Variants in CELSR1 observed in about 807,000 individuals in gnomAD.
The protein encoded by CELSR1 is adhesion G protein-coupled receptor C1.
Under a neutral mutation model 249.1 loss-of-function variants are expected in CELSR1, and 110 were observed. The ratio of observed to expected loss-of-function variants is 0.44; its 90% confidence interval spans 0.38 to 0.52. The LOEUF is 0.52. Ranked by LOEUF, CELSR1 falls within the 20% of genes least tolerant of loss-of-function variation. The pLI is 0.00. For synonymous variants in CELSR1, 2,113 were observed against 1,900.0 expected (o/e 1.11, Z -2.92); for missense variants, 4,109 against 4,296.4 (o/e 0.96, Z 1.22).
chr22:46,449,562 T>C (rs577966500), intron 2 of CELSR1, among the ~76,000 whole-genome samples: 2 of 152,278 alleles, frequency 1.3e-5, no homozygotes, highest in East Asian at 3.9e-4. Context: ...CACTCATCCA[T>C]CTAATAAACT....
intron 1 of CELSR1, among the ~76,000 whole-genome samples, chr22:46,475,877 G>A (rs1569190398): frequency 6.6e-6 from 1 of 152,062 alleles, no homozygotes; most frequent in Non-Finnish European, 1.5e-5. Flanking sequence ...GTTGTTCCAT[G>A]TTATTCCAAC....
At chr22:46,405,622 C>T (rs2079257980) in intron 9 of CELSR1, among the ~76,000 whole-genome samples, 1 of 152,062 alleles carries the variant, frequency 6.6e-6, no homozygotes, top group South Asian at 2.1e-4. Context: ...GAGAGTGTGT[C>T]CCCAGCTCTC....
rs930649810 is a variant in CELSR1 at position 46,428,706 on chromosome 22, G to A, written c.4611+4687C>T. On this transcript the variant is annotated intron_variant, in intron 5 of 34. Coordinates refer to ENST00000674500, the MANE Select transcript of CELSR1 (RefSeq NM_001378328.1). The surrounding 1 kb of genome is among the most constrained non-coding windows in gnomAD (Gnocchi z 5.7). ...GTGCCCAGGTGGGAAATCCTGACGCGGCTGCTCACCGCCTCCCACATCTGC... is the reference window on the plus strand; with the variant it reads ...GTGCCCAGGTGGGAAATCCTGACGCAGCTGCTCACCGCCTCCCACATCTGC... Among the ~76,000 whole-genome samples, 5 of 152,186 alleles carry A rather than the reference G, an allele frequency of 3.3e-5. No individual in the cohort carries two copies. The highest frequency in any genetic ancestry group is 1.9e-4 in the East Asian group (1 of 5,186).
chr22:46,391,206 G>A lies in CELSR1; in HGVS notation c.6230C>T (p.Pro2077Leu). The change falls in exon 16 of 35, where the codon CCA (proline) becomes CTA (leucine). Residue 2077 changes from proline to leucine, a missense_variant. Pro to Leu is a moderately conservative substitution (Grantham distance 98). Around this residue, in one of 7 missense-constraint regions of CELSR1, gnomAD observed 1,805 missense variants for 1,831.6 expected, o/e 0.99. Coordinates refer to ENST00000674500, the MANE Select transcript of CELSR1 (RefSeq NM_001378328.1). This position sits in a 1 kb window ranked among gnomAD's most constrained non-coding sequence, Gnocchi z 4.3. ...QTKFGQPAAV[P>L]CPKGSVGNAV... ...CTCACCAACGGATCCCTTAGGGCATGGCACCGCAGCCGGCTGCCCGAACTT... is the reference window on the plus strand; with the variant it reads ...CTCACCAACGGATCCCTTAGGGCATAGCACCGCAGCCGGCTGCCCGAACTT... 6.2e-7 allele frequency: 1 copy of A among 1,613,170 alleles called. No individual in the cohort carries two copies. The highest frequency in any genetic ancestry group is 8.5e-7 in the Non-Finnish European group (1 of 1,179,918).
In CELSR1 at chr22:46,363,117, G is replaced by A; in HGVS notation, c.*106C>T. ...GGCCCACTCCACTTCAAGGGCAGTG[G>A]CCCCTTGGGCTCCAAGGTCTGAGGG... On this transcript the variant is annotated 3_prime_UTR_variant, in exon 35 of 35. Coordinates refer to ENST00000674500, the MANE Select transcript of CELSR1 (RefSeq NM_001378328.1). This position sits in a 1 kb window ranked among gnomAD's most constrained non-coding sequence, Gnocchi z 4.3. The A allele has an allele frequency of 6.2e-7, 1 of 1,611,468 alleles. No individual in the cohort carries two copies. The highest frequency in any genetic ancestry group is 8.5e-7 in the Non-Finnish European group (1 of 1,178,220).
At chr22:46,368,697 T>G (rs990939633) in intron 27 of CELSR1, among the ~76,000 whole-genome samples, 29 of 152,202 alleles carry the variant, frequency 1.9e-4, no homozygotes, top group African/African-American at 6.5e-4. Flanking sequence ...ACCTGCTCCT[T>G]TGGGGCCTCG....
intron 1 of CELSR1, among the ~76,000 whole-genome samples, chr22:46,496,137 T>C (rs2080411098): frequency 6.6e-6 from 1 of 150,852 alleles, no homozygotes; most frequent in South Asian, 2.1e-4. Flanking sequence ...GGGGTTGCAG[T>C]GAGCCAAGAT....
At chr22:46,369,880 G>T (rs761510586) in intron 25 of CELSR1, 76 bp from the exon 26 acceptor site, 5 of 1,314,654 alleles carry the variant, frequency 3.8e-6, no homozygotes, top group Non-Finnish European at 4.4e-6. Flanking sequence ...ACCAGCCAGG[G>T]TGGGGTGAAA....
Position 46,411,861 on chromosome 22 carries a change from G to A in CELSR1, c.4612-102C>T. The A allele has an allele frequency of 1.4e-6, 2 of 1,474,104 alleles. No individual in the cohort carries two copies. The highest frequency in any genetic ancestry group is 1.2e-5 in the South Asian group (1 of 83,406). The allele number at this position is 1,474,104 out of a possible 1,614,324, so 91.3% of individuals were successfully genotyped here. A position where few individuals can be genotyped will look rare whatever the true frequency, so the allele number is the denominator to read the frequency against. On this transcript the variant is annotated intron_variant, in intron 5 of 34. Transcript: ENST00000674500. This position sits in a 1 kb window ranked among gnomAD's most constrained non-coding sequence, Gnocchi z 4.2. Reference sequence around the variant, plus strand: ...GAGCGAGGAGGACATGGCACAGGGTGGGCGGCACGTAGACAAGGGATGAGG... The same window carrying A: ...GAGCGAGGAGGACATGGCACAGGGTAGGCGGCACGTAGACAAGGGATGAGG...
At chr22:46,498,150 G>A (rs529187538) in intron 1 of CELSR1, among the ~76,000 whole-genome samples, 11 of 151,200 alleles carry the variant, frequency 7.3e-5, no homozygotes, top group Non-Finnish European at 1.5e-5. Flanking sequence ...TCGGGAGGCT[G>A]AGGCAGGAGA....
Position 46,410,001 on chromosome 22 carries a change from G to C in CELSR1, c.4934-121C>G. 1 of 1,301,434 alleles carries C rather than the reference G, an allele frequency of 7.7e-7. No individual in the cohort carries two copies. Among genetic ancestry groups the C allele is most frequent in the Non-Finnish European group, 1.1e-6 (1 of 937,304 alleles). 80.6% of individuals were successfully genotyped at this position (1,301,434 alleles called of 1,614,324 possible). On this transcript the variant is annotated intron_variant, in intron 7 of 34. Transcript: ENST00000674500. The surrounding 1 kb of genome is among the most constrained non-coding windows in gnomAD (Gnocchi z 6.8). ...CCGGGGCTGGACAGAAGTCAGACCA[G>C]GTCTGAACGCCCCTGGCAACGGCAG... is the stretch of plus-strand genomic sequence containing the variant.
chr22:46,483,726 A>G lies in CELSR1; in HGVS notation c.3545-19381T>C, dbSNP rs137874037. 9.6e-3 allele frequency among the ~76,000 whole-genome samples: 1,465 copies of G among 152,244 alleles called. 25 individuals carry two copies. The highest frequency in any genetic ancestry group is 0.034 in the African/African-American group (1,405 of 41,542). ...GTGACAAGGGATGTGGGGCCCAGAA[A>G]GGCTCAGGAACTGTGCCCAGGACAC... On this transcript the variant is annotated intron_variant, in intron 1 of 34. Transcript: ENST00000674500.
chr22:46,410,575 G>A lies in CELSR1; in HGVS notation c.4770-14C>T. On this transcript the variant is annotated splice_polypyrimidine_tract_variant and intron_variant, in intron 6 of 34. Transcript: ENST00000674500. This position sits in a 1 kb window ranked among gnomAD's most constrained non-coding sequence, Gnocchi z 6.8. ...AGATCCAGGGACCTGGGTAGGTAAAGCCATCTTCTGTGACGTCAGGGCGGG... is the reference window on the plus strand; with the variant it reads ...AGATCCAGGGACCTGGGTAGGTAAAACCATCTTCTGTGACGTCAGGGCGGG... 1 of 1,609,628 alleles carries A rather than the reference G, an allele frequency of 6.2e-7. No homozygotes were observed. Among genetic ancestry groups the A allele is most frequent in the East Asian group, 2.2e-5 (1 of 44,696 alleles).
chr22:46,378,529 G>C lies in CELSR1; in HGVS notation c.7383+62C>G, dbSNP rs898510727. 7.9e-6 allele frequency: 12 copies of C among 1,518,590 alleles called. No individual in the cohort carries two copies. The Admixed American group carries it at 9.9e-5, about 13-fold the overall frequency. The allele number at this position is 1,518,590 out of a possible 1,614,324, so 94.1% of individuals were successfully genotyped here. A position where few individuals can be genotyped will look rare whatever the true frequency, so the allele number is the denominator to read the frequency against. On this transcript the variant is annotated intron_variant, in intron 23 of 34. Transcript: ENST00000674500. ...GGTTTGGCGGGGAGGTGCAGGTTTG[G>C]GGGGGAGGGGCAGGTTTGGCGGTAG...
Position 46,484,717 on chromosome 22 carries a change from G to A in CELSR1, c.3545-20372C>T, listed in dbSNP as rs2147678002. Among the ~76,000 whole-genome samples the A allele has an allele frequency of 7.2e-6, 1 of 137,998 alleles. No individual in the cohort carries two copies. The highest frequency in any genetic ancestry group is 2.6e-5 in the African/African-American group (1 of 37,786). 90.5% of individuals were successfully genotyped at this position (137,998 alleles called of 152,430 possible). On this transcript the variant is annotated intron_variant, in intron 1 of 34. Transcript: ENST00000674500. This position sits in a 1 kb window ranked among gnomAD's most constrained non-coding sequence, Gnocchi z 4.5. ...GAGATGCTGGAGTGAGCGCTCACAG[G>A]GACCCCGCCCAGGTGCTGGGGAGGT...
chr22:46,531,912 G>C (rs926262832), intron 1 of CELSR1, among the ~76,000 whole-genome samples: 1 of 151,728 alleles, frequency 6.6e-6, no homozygotes, highest in African/African-American at 2.4e-5. Context: ...ACGAGAGTAC[G>C]AGTGTGTCCA....
chr22:46,503,161 G>C (rs2080482760), intron 1 of CELSR1, among the ~76,000 whole-genome samples: 1 of 152,160 alleles, frequency 6.6e-6, no homozygotes, highest in South Asian at 2.1e-4. Context: ...TATAATCACA[G>C]GACAGGGACA....
chr22:46,390,410 G>A lies in CELSR1; in HGVS notation c.6327C>T (p.Phe2109=), dbSNP rs771536930. 10 of 1,613,396 alleles carry A rather than the reference G, an allele frequency of 6.2e-6. No individual in the cohort carries two copies. Among genetic ancestry groups the A allele is most frequent in the Middle Eastern group, 1.6e-4 (1 of 6,080 alleles). ...CCCCTACCATGGCCCTGAGGTCCAC[G>A]AAGGAGATGGTGGTACAGTTAAAGA... ...PELFNCTTIS[F]VDLRAMNEKL... Residue 2109 remains phenylalanine, a synonymous_variant, in exon 17 of 35, where the codon TTC becomes TTT. Coordinates refer to ENST00000674500, the MANE Select transcript of CELSR1 (RefSeq NM_001378328.1). This position sits in a 1 kb window ranked among gnomAD's most constrained non-coding sequence, Gnocchi z 6.3.
At position 46,436,471 on chromosome 22, in the gene CELSR1, C is replaced by T. The variant is rs2079662733; in HGVS notation, c.4407-182G>A. ...CCCATCAAGCTTGATAAGCAGGGTT[C>T]TTTTCTGGAAGCAGCAAACCAGAAT... On this transcript the variant is annotated intron_variant, in intron 3 of 34. Transcript: ENST00000674500. This position sits in a 1 kb window ranked among gnomAD's most constrained non-coding sequence, Gnocchi z 5.9. 6.6e-6 allele frequency among the ~76,000 whole-genome samples: 1 copy of T among 152,166 alleles called. No individual in the cohort carries two copies. Among genetic ancestry groups the T allele is most frequent in the East Asian group, 1.9e-4 (1 of 5,194 alleles).
Sources: gnomAD v4.1 joint callset for allele counts (sites outside exome capture counted in the v4.1 genomes callset) on GRCh38, gnomAD v4.1.1 for gene constraint, gnomAD v4.1.1 regional missense constraint, Gnocchi (gnomAD v3.1) non-coding constraint, MANE v1.5 for transcripts, NCBI Gene and HGNC (gene_info 2026-07-23, HGNC 2026-07-21) for gene names.